Variants in ASCC3 observed in about 807,000 individuals in gnomAD.
ASCC3 encodes the protein activating signal cointegrator 1 complex subunit 3, also known as ASC-1 complex subunit P200.
A neutral mutation model predicts 256.3 loss-of-function variants in ASCC3; 158 were observed. The observed-to-expected ratio is 0.62, with a 90% CI of 0.54 to 0.70. ASCC3 has a LOEUF of 0.70. Among genes scored for constraint, ASCC3 ranks in the 30% least tolerant of loss-of-function variants. The probability of loss-of-function intolerance (pLI) is 0.00; values close to 1 mark genes in which losing one functional copy is unlikely to be tolerated. For missense variants in ASCC3, 2,259 were observed against 2,626.0 expected, an observed-to-expected ratio of 0.86 and a Z score of 3.05; for synonymous variants, 948 against 883.4, an observed-to-expected ratio of 1.07 and a Z score of -1.30.
intron 36 of ASCC3, among the ~76,000 whole-genome samples, chr6:100,560,872 T>C (rs888943393): frequency 2.0e-5 from 3 of 151,996 alleles, no homozygotes; most frequent in Non-Finnish European, 4.4e-5. Flanking sequence ...TTGGTGCTTT[T>C]AACATTGGAA....
In ASCC3 at chr6:100,540,407, C is replaced by A. The variant is rs761043778; in HGVS notation, c.5551-20G>T. 1.1e-5 allele frequency: 16 copies of A among 1,482,952 alleles called. No homozygotes were observed. The highest frequency in any genetic ancestry group is 1.4e-5 in the Non-Finnish European group (15 of 1,063,652). The allele number at this position is 1,482,952 out of a possible 1,614,324, so 91.9% of individuals were successfully genotyped here. A position where few individuals can be genotyped will look rare whatever the true frequency, so the allele number is the denominator to read the frequency against. On this transcript the variant is annotated intron_variant, in intron 36 of 41. Coordinates refer to ENST00000369162, the MANE Select transcript of ASCC3 (RefSeq NM_006828.4). ...TGCATCCTGAAAAAAAAAAAAAGCC[C>A]CACATTGTTGGATCAAAGTATAATA...
intron 37 of ASCC3, among the ~76,000 whole-genome samples, chr6:100,522,790 C>T (rs1163766556): frequency 1.3e-5 from 2 of 151,266 alleles, no homozygotes; most frequent in Non-Finnish European, 2.9e-5. Context: ...CAGATGAAGA[C>T]ACTGGTTTAC....
intron 10 of ASCC3, among the ~76,000 whole-genome samples, chr6:100,745,260 G>A (rs1047681562): frequency 2.0e-5 from 3 of 152,120 alleles, no homozygotes; most frequent in African/African-American, 7.2e-5. Flanking sequence ...CTGGGATGCA[G>A]AGGTTGCAGT....
intron 34 of ASCC3, 57 bp downstream of exon 34, chr6:100,601,753 C>G (rs924321054): frequency 6.3e-7 from 1 of 1,593,648 alleles, no homozygotes; most frequent in Admixed American, 1.7e-5. Flanking sequence ...TTATTACTTT[C>G]AAATATGTCT....
intron 2 of ASCC3, among the ~76,000 whole-genome samples, chr6:100,865,024 G>T (rs9498411): frequency 0.25 from 37,518 of 152,066 alleles, 5,199 homozygotes; most frequent in East Asian, 0.62. Context: ...TTTGCTATTG[G>T]TTAGAATGAT....
chr6:100,739,471 G>A (rs1255326010), intron 10 of ASCC3, among the ~76,000 whole-genome samples: 4 of 152,144 alleles, frequency 2.6e-5, no homozygotes, highest in Non-Finnish European at 5.9e-5. Context: ...AGTTAGGGAG[G>A]AGTCCCTCCT....
chr6:100,631,279 A>G (rs1470634992), intron 25 of ASCC3, 66 bp from the exon 26 acceptor site: 2 of 1,297,688 alleles, frequency 1.5e-6, no homozygotes, highest in African/African-American at 2.9e-5. Context: ...AAATAAAAGT[A>G]AACTCCAAAA....
intron 36 of ASCC3, among the ~76,000 whole-genome samples, chr6:100,558,049 C>A (rs1353133703): frequency 1.4e-5 from 2 of 146,928 alleles, no homozygotes; most frequent in Admixed American, 6.8e-5. Context: ...GGAGAAAATA[C>A]TTGATAATCC....
intron 25 of ASCC3, among the ~76,000 whole-genome samples, chr6:100,633,411 A>G (rs79701014): frequency 0.03 from 4,603 of 152,192 alleles, 77 homozygotes; most frequent in African/African-American, 0.055. Flanking sequence ...GAGTAGTGAT[A>G]CTGGCAACTC....
At chr6:100,572,840 T>A (rs745629051) in intron 36 of ASCC3, among the ~76,000 whole-genome samples, 2 of 152,160 alleles carry the variant, frequency 1.3e-5, no homozygotes, top group Non-Finnish European at 2.9e-5. Context: ...ATAATTCTAG[T>A]TACAAGGTCA....
rs1003148571 is a variant in ASCC3, at chr6:100,873,983, C to G, written c.-41-5945G>C. On this transcript the variant is annotated intron_variant, in intron 1 of 41. Transcript: ENST00000369162. ...CTTGTTAAGGGAATGAAGCAAAGCA[C>G]ATTACCAGATTTGCTATTTTTATTT... 2.0e-5 allele frequency among the ~76,000 whole-genome samples: 3 copies of G among 152,296 alleles called. No homozygotes were observed. The South Asian group carries it at 6.2e-4, about 32-fold the overall frequency.
intron 5 of ASCC3, among the ~76,000 whole-genome samples, chr6:100,804,082 C>T (rs778387680): frequency 2.2e-4 from 33 of 152,090 alleles, no homozygotes; most frequent in African/African-American, 6.3e-4. Context: ...TTAATTTTTC[C>T]GGGATTTAAA....
At chr6:100,651,669 T>G (rs1332142324) in intron 18 of ASCC3, 23 bp from the exon 19 acceptor site, 2 of 1,250,432 alleles carry the variant, frequency 1.6e-6, no homozygotes, top group Admixed American at 4.2e-5. Flanking sequence ...GTGTTATATT[T>G]GATTAAAATA....
At chr6:100,552,008 C>A (rs1268221580) in intron 36 of ASCC3, among the ~76,000 whole-genome samples, 1 of 151,794 alleles carries the variant, frequency 6.6e-6, no homozygotes, top group Non-Finnish European at 1.5e-5. Flanking sequence ...GCTATGTAAC[C>A]TTCTGAGAGT....
At chr6:100,705,497 C>T (rs952047650) in intron 13 of ASCC3, among the ~76,000 whole-genome samples, 1 of 152,002 alleles carries the variant, frequency 6.6e-6, no homozygotes, top group Non-Finnish European at 1.5e-5. Flanking sequence ...TTCGAATGGA[C>T]ATGTATTTCA....
intron 10 of ASCC3, among the ~76,000 whole-genome samples, chr6:100,735,575 G>C (rs1780113410): frequency 6.6e-6 from 1 of 151,908 alleles, no homozygotes; most frequent in Non-Finnish European, 1.5e-5. Context: ...TCAAAATAGA[G>C]CCATTTTAGA....
intron 1 of ASCC3, among the ~76,000 whole-genome samples, chr6:100,880,536 C>T (rs1441496189): frequency 6.6e-6 from 1 of 152,192 alleles, no homozygotes; most frequent in African/African-American, 2.4e-5. Flanking sequence ...CTGCCCAGTA[C>T]TCACAAAACC....
At chr6:100,512,131 A>T (rs1773794437) in intron 40 of ASCC3, among the ~76,000 whole-genome samples, 2 of 152,236 alleles carry the variant, frequency 1.3e-5, no homozygotes, top group Non-Finnish European at 2.9e-5. Flanking sequence ...ATGAACATTG[A>T]CAAAGCTCTC....
chr6:100,876,831 C>A (rs1043529384), intron 1 of ASCC3, among the ~76,000 whole-genome samples: 2 of 152,130 alleles, frequency 1.3e-5, no homozygotes, highest in African/African-American at 2.4e-5. Flanking sequence ...CTGTGGCTAT[C>A]TGAACAAATC....
Sources: allele counts gnomAD v4.1 joint callset (sites outside exome capture counted in the v4.1 genomes callset), GRCh38; gene constraint gnomAD v4.1.1; transcripts MANE v1.5; gene names NCBI Gene and HGNC (gene_info 2026-07-23, HGNC 2026-07-21).